COL18A1: variants seen among roughly 807,000 people sequenced by gnomAD.
COL18A1 encodes the protein collagen type XVIII alpha 1 chain.
Under a neutral mutation model 168.0 loss-of-function variants are expected in COL18A1, and 133 were observed. The observed-to-expected ratio is 0.79, with a 90% CI of 0.69 to 0.91. The LOEUF (loss-of-function observed/expected upper bound fraction) is 0.91, where lower values mean the gene tolerates loss of function less well. Among genes scored for constraint, COL18A1 ranks in the 40% least tolerant of loss-of-function variants. The pLI is 0.00. For missense variants in COL18A1, 2,126 were observed against 1,925.4 expected, an observed-to-expected ratio of 1.10 and a Z score of -1.95; for synonymous variants, 949 against 809.0, an observed-to-expected ratio of 1.17 and a Z score of -2.94.
chr21:45,422,625 C>G, intron 2 of COL18A1: 1 of 374,128 alleles, frequency 2.7e-6, no homozygotes, highest in Non-Finnish European at 5.5e-6. Flanking sequence ...CTCTCCCAGC[C>G]GTCGGTTGGT....
At chr21:45,434,230 G>C (rs1464376321) in intron 2 of COL18A1, among the ~76,000 whole-genome samples, 2 of 152,174 alleles carry the variant, frequency 1.3e-5, no homozygotes, top group Non-Finnish European at 2.9e-5. Context: ...CTTGCAGGAG[G>C]GGGTTGTGGC....
intron 2 of COL18A1, among the ~76,000 whole-genome samples, chr21:45,448,458 A>G (rs1002677417): frequency 1.3e-5 from 2 of 152,238 alleles, no homozygotes; most frequent in African/African-American, 4.8e-5. Context: ...TGCACACATA[A>G]TCCACATGCA....
At chr21:45,508,128 T>G (rs1006311439) in intron 38 of COL18A1, among the ~76,000 whole-genome samples, 2 of 141,390 alleles carry the variant, frequency 1.4e-5, no homozygotes, top group African/African-American at 5.3e-5. Context: ...AGTGGACGGG[T>G]GGGTGGGTGG....
intron 2 of COL18A1, among the ~76,000 whole-genome samples, chr21:45,453,153 A>G (rs980855537): frequency 6.7e-6 from 1 of 149,036 alleles, no homozygotes; most frequent in Non-Finnish European, 1.5e-5. Flanking sequence ...CACATGTGAC[A>G]TGTGTGAGCA....
intron 2 of COL18A1, among the ~76,000 whole-genome samples, chr21:45,451,106 G>C (rs1163541397): frequency 6.6e-6 from 1 of 152,240 alleles, no homozygotes; most frequent in East Asian, 1.9e-4. Flanking sequence ...TTAGCCTCAG[G>C]CTCCTCAGGA....
chr21:45,500,047 G>A (rs923356900), intron 32 of COL18A1, among the ~76,000 whole-genome samples: 4 of 152,044 alleles, frequency 2.6e-5, no homozygotes, highest in South Asian at 2.1e-4. Context: ...TGGAGAGGTC[G>A]AGGCACCCAG....
In COL18A1 at chr21:45,510,292, T is replaced by TA. The variant is rs1179594429; in HGVS notation, c.3693+31_3693+32insA. On this transcript the variant is annotated intron_variant, in intron 40 of 41. Coordinates refer to ENST00000651438, the MANE Select transcript of COL18A1 (RefSeq NM_001379500.1). ...TCAGTCCAGTCCTGAGGGCGCGGGC[T>TA]CCTCGGCCCCCACTTGACCTCTGGG... The TA allele has an allele frequency of 4.5e-6, 7 of 1,567,014 alleles. No individual in the cohort carries two copies. In the African/African-American group the frequency reaches 9.5e-5, roughly 21 times the overall value.
chr21:45,455,530 G>A lies in COL18A1; in HGVS notation c.107-12712G>A, dbSNP rs576327205. ...CCCGCAGCTCCAGCCGCACTGCCCC[G>A]ATGGCTCCCTACCCCTGTGGCTGCC... On this transcript the variant is annotated intron_variant, in intron 2 of 41. Coordinates refer to ENST00000651438, the MANE Select transcript of COL18A1 (RefSeq NM_001379500.1). 83 of 1,612,754 alleles carry A rather than the reference G, an allele frequency of 5.1e-5. No individual in the cohort carries two copies. The highest frequency in any genetic ancestry group is 1.9e-4 in the African/African-American group (14 of 75,042).
intron 2 of COL18A1, among the ~76,000 whole-genome samples, chr21:45,411,671 T>G (rs1309479918): frequency 2.0e-5 from 3 of 149,534 alleles, no homozygotes; most frequent in Non-Finnish European, 4.4e-5. Context: ...TAGGGAACAG[T>G]GCACCCTTAT....
chr21:45,442,082 C>T (rs1190121650), intron 2 of COL18A1, among the ~76,000 whole-genome samples: 1 of 152,228 alleles, frequency 6.6e-6, no homozygotes, highest in African/African-American at 2.4e-5. Context: ...CGGGGAGGCC[C>T]ATTTGCCCTG....
chr21:45,469,696 A>G (rs532202035), intron 3 of COL18A1, among the ~76,000 whole-genome samples: 1 of 152,320 alleles, frequency 6.6e-6, no homozygotes, highest in African/African-American at 2.4e-5. Flanking sequence ...CCTGAATTCT[A>G]GCATTCAAGC....
chr21:45,422,011 G>A (rs564911049), intron 2 of COL18A1, among the ~76,000 whole-genome samples: 4 of 152,116 alleles, frequency 2.6e-5, no homozygotes, highest in African/African-American at 9.6e-5. Context: ...GGGCCGATAC[G>A]CACACATGGC....
intron 2 of COL18A1, among the ~76,000 whole-genome samples, chr21:45,437,455 GACAGAC>G (rs1355887948): frequency 0.015 from 43 of 2,900 alleles, no homozygotes; most frequent in Middle Eastern, 0.5. Context: ...CTCACTCACA[GACAGAC>G]ACACAGGCAC....
At chr21:45,501,226 G>C (rs2036804492) in intron 32 of COL18A1, among the ~76,000 whole-genome samples, 1 of 152,026 alleles carries the variant, frequency 6.6e-6, no homozygotes, top group Non-Finnish European at 1.5e-5. Context: ...ACATTTCTAT[G>C]CATCTAATGA....
rs368460732 is a variant in COL18A1, at chr21:45,468,830, A to G, written c.651+44A>G. ...TCGCTGGGGGACTGGAGCAGCTGGG[A>G]TGGGGTGGGGTGGGGGTGGCCACTG... On this transcript the variant is annotated intron_variant, in intron 3 of 41. Transcript: ENST00000651438. 41 of 552,148 alleles carry G rather than the reference A, an allele frequency of 7.4e-5. No homozygotes were observed. The highest frequency in any genetic ancestry group is 2.3e-4 in the African/African-American group (10 of 42,630). 34.2% of individuals were successfully genotyped at this position (552,148 alleles called of 1,614,324 possible). A position where few individuals can be genotyped will look rare whatever the true frequency, so the allele number is the denominator to read the frequency against.
intron 29 of COL18A1, chr21:45,495,895 A>G (rs960756814): frequency 9.5e-6 from 3 of 316,314 alleles, no homozygotes; most frequent in African/African-American, 6.5e-5. Context: ...ATACATGACT[A>G]TGAGCCCTCC....
Position 45,492,555 on chromosome 21 carries a change from G to A in COL18A1, c.2178G>A (p.Pro726=), listed in dbSNP as rs556113991. 1.2e-4 allele frequency: 191 copies of A among 1,613,218 alleles called. No individual in the cohort carries two copies. The highest frequency in any genetic ancestry group is 6.6e-4 in the Middle Eastern group (4 of 6,062). Residue 726 remains proline, a synonymous_variant, in exon 23 of 42, where the codon CCG becomes CCA. Transcript: ENST00000651438. ...SEQDGSVLSV[P]GPEGRPGFAG... is the part of the protein sequence containing the mutation. ...GACAGGGATCCGTCCTGAGCGTGCC[G>A]GGACCTGAGGTATGTGCCTGCCCAG...
chr21:45,485,491 G>C (rs2036078447), intron 15 of COL18A1, among the ~76,000 whole-genome samples: 1 of 141,158 alleles, frequency 7.1e-6, no homozygotes, highest in African/African-American at 2.7e-5. Flanking sequence ...GCGAGACCCT[G>C]TGTCCAAAAA....
chr21:45,507,748 C>T (rs920934892), intron 38 of COL18A1, among the ~76,000 whole-genome samples, 155 bp downstream of exon 38: 5 of 152,184 alleles, frequency 3.3e-5, no homozygotes, highest in South Asian at 2.1e-4. Flanking sequence ...TGGTGCAGGA[C>T]ACCCCACTAC....
Sources: allele counts gnomAD v4.1 joint callset (sites outside exome capture counted in the v4.1 genomes callset), GRCh38; gene constraint gnomAD v4.1.1; transcripts MANE v1.5; gene names NCBI Gene and HGNC (gene_info 2026-07-23, HGNC 2026-07-21).